KSR1: variants seen among roughly 807,000 people sequenced by gnomAD.
KSR1 encodes the protein kinase suppressor of ras.
Under a neutral mutation model 92.9 loss-of-function variants are expected in KSR1, and 35 were observed. The ratio of observed to expected loss-of-function variants is 0.38; its 90% CI spans 0.29 to 0.50. The LOEUF is 0.50. Ranked by LOEUF, KSR1 falls within the 20% of genes least tolerant of loss-of-function variation. KSR1 has a pLI of 0.94. For missense variants in KSR1, 972 were observed against 1,158.5 expected (o/e 0.84, Z 2.34); for synonymous variants, 467 against 472.6 (o/e 0.99, Z 0.15).
intron 1 of KSR1, chr17:27,526,840 G>A (rs2070323018): frequency 1.6e-5 from 12 of 738,730 alleles, no homozygotes; most frequent in Non-Finnish European, 2.6e-5. Context: ...CCGGGGGGAG[G>A]GGTGGAAGGA....
chr17:27,493,947 G>T (rs1248099066), intron 1 of KSR1, among the ~76,000 whole-genome samples: 1 of 152,112 alleles, frequency 6.6e-6, no homozygotes, highest in Non-Finnish European at 1.5e-5. Context: ...CCATTTTGTG[G>T]TGTGATTGGC....
chr17:27,612,625 C>A (rs770378652), intron 18 of KSR1: 2 of 152,216 alleles, frequency 1.3e-5, no homozygotes, highest in Non-Finnish European at 2.9e-5. Flanking sequence ...TATAAAGAAA[C>A]TCCAGGGCTT....
chr17:27,535,757 A>C (rs1401946865), intron 1 of KSR1, among the ~76,000 whole-genome samples: 1 of 152,336 alleles, frequency 6.6e-6, no homozygotes, highest in South Asian at 2.1e-4. Flanking sequence ...CAGCTGTGTC[A>C]TATTGTTTTG....
chr17:27,617,312 C>T lies in KSR1; in HGVS notation c.2511C>T (p.Cys837=). The stretch of plus-strand genomic sequence containing the variant: ...ATTTGCAGGAGATCCTGTCGGCCTG[C>T]TGGGCTTTCGACCTGCAGGAGAGAC... ...GKEVSEILSA[C]WAFDLQERPS... Residue 837 remains cysteine (C), a synonymous_variant, in exon 19 of 21, where the codon TGC becomes TGT. Transcript: ENST00000644974. 1 of 1,609,544 alleles carries T rather than the reference C, an allele frequency of 6.2e-7. No homozygotes were observed. The highest frequency in any genetic ancestry group is 1.1e-5 in the South Asian group (1 of 90,528).
At chr17:27,547,148 C>A (rs2071210014) in intron 1 of KSR1, among the ~76,000 whole-genome samples, 1 of 152,208 alleles carries the variant, frequency 6.6e-6, no homozygotes. Flanking sequence ...GGGTAAGTAA[C>A]CCCAAGGGGG....
chr17:27,509,680 C>CAAT (rs2069528052), intron 1 of KSR1, among the ~76,000 whole-genome samples: 1 of 149,434 alleles, frequency 6.7e-6, no homozygotes, highest in African/African-American at 2.5e-5. Context: ...CAAACAACAA[C>CAAT]AAAAAACAAA....
rs530886031 is a variant in KSR1 at position 27,574,863 on chromosome 17, A to G, written c.373-2629A>G. Among the ~76,000 whole-genome samples, 7 of 152,332 alleles carry G rather than the reference A, an allele frequency of 4.6e-5. No individual in the cohort carries two copies. In the South Asian group the frequency reaches 8.3e-4, roughly 18 times the overall value. ...TACAGAAAATCTGGAAAATATAGAA[A>G]GGGTTAAAGACAAAAAAAGGTCTGA... is the stretch of plus-strand genomic sequence containing the variant. On this transcript the variant is annotated intron_variant, in intron 2 of 20. Transcript: ENST00000644974.
chr17:27,506,528 T>C (rs1214206062), intron 1 of KSR1, among the ~76,000 whole-genome samples: 2 of 152,216 alleles, frequency 1.3e-5, no homozygotes, highest in East Asian at 3.8e-4. Flanking sequence ...GTTGCACATT[T>C]CGGTGATTTC....
intron 18 of KSR1, among the ~76,000 whole-genome samples, chr17:27,615,891 A>G (rs973935621): frequency 3.9e-5 from 6 of 152,338 alleles, no homozygotes; most frequent in African/African-American, 1.2e-4. Context: ...TTCCAGATTC[A>G]TAATAATTTT....
chr17:27,526,565 C>T (rs533299306), intron 1 of KSR1: 1 of 1,598,680 alleles, frequency 6.3e-7, no homozygotes, highest in Admixed American at 1.7e-5. Flanking sequence ...CAATGCACCT[C>T]ATTCATTTGT....
chr17:27,588,198 C>G, intron 5 of KSR1: 1 of 264,430 alleles, frequency 3.8e-6, no homozygotes. Flanking sequence ...CTCCAGCCTG[C>G]CTTCTTCCTC....
intron 1 of KSR1, among the ~76,000 whole-genome samples, chr17:27,498,903 C>T (rs764780342): frequency 1.1e-4 from 17 of 152,102 alleles, no homozygotes; most frequent in Non-Finnish European, 1.8e-4. Flanking sequence ...AAGCAAAGGG[C>T]GGCATGAGGC....
rs541273860 is a variant in KSR1, at chr17:27,532,052, G to A, written c.232-18516G>A. 2.6e-5 allele frequency among the ~76,000 whole-genome samples: 4 copies of A among 152,300 alleles called. No homozygotes were observed. The East Asian group carries it at 5.8e-4, about 22-fold the overall frequency. On this transcript the variant is annotated intron_variant, in intron 1 of 20. Transcript: ENST00000644974. The stretch of plus-strand genomic sequence containing the variant: ...TACTTTGTGTGAGTTTGACTAAGTC[G>A]TTGTCCCTCTCTGGGCCTCAGTTTC...
At chr17:27,516,419 T>G in intron 1 of KSR1, among the ~76,000 whole-genome samples, 1 of 152,184 alleles carries the variant, frequency 6.6e-6, no homozygotes, top group East Asian at 1.9e-4. Context: ...GAGCCATATT[T>G]ACCTGATGAG....
At chr17:27,486,362 G>A (rs891833397) in intron 1 of KSR1, among the ~76,000 whole-genome samples, 14 of 152,200 alleles carry the variant, frequency 9.2e-5, no homozygotes, top group African/African-American at 3.4e-4. Context: ...TGGCATGAAG[G>A]CATCAGGGTA....
rs971256786 is a variant in KSR1, at chr17:27,459,962, TCA to T, written c.231+3094_231+3095del. 1.3e-5 allele frequency among the ~76,000 whole-genome samples: 2 copies of T among 152,192 alleles called. No homozygotes were observed. Among genetic ancestry groups the T allele is most frequent in the African/African-American group, 4.8e-5 (2 of 41,428 alleles). On this transcript the variant is annotated intron_variant, in intron 1 of 20. Coordinates refer to ENST00000644974, the MANE Select transcript of KSR1 (RefSeq NM_001394583.1). The surrounding 1 kb of genome is among the most constrained non-coding windows in gnomAD (Gnocchi z 4.6). ...GCAGCGTGCCTGACTCTTCTCAAAC[TCA>T]CACACGTTCCTGGAGATCAGCAGTT...
At position 27,487,714 on chromosome 17, in the gene KSR1, G is replaced by A. The variant is rs531505877; in HGVS notation, c.231+30840G>A. 6.2e-4 allele frequency among the ~76,000 whole-genome samples: 95 copies of A among 152,176 alleles called. 1 individual carries two copies. Among genetic ancestry groups the A allele is most frequent in the African/African-American group, 2.3e-3 (94 of 41,472 alleles). ...CACCCTGTCGCCCAGGCTGGAGCAAGTATAGTGGAGCATCTGCTTCACTTC... is the reference window on the plus strand; with the variant it reads ...CACCCTGTCGCCCAGGCTGGAGCAAATATAGTGGAGCATCTGCTTCACTTC... On this transcript the variant is annotated intron_variant, in intron 1 of 20. Transcript: ENST00000644974.
chr17:27,536,470 C>T (rs1426463419), intron 1 of KSR1, among the ~76,000 whole-genome samples: 1 of 152,208 alleles, frequency 6.6e-6, no homozygotes, highest in African/African-American at 2.4e-5. Context: ...AATTGCAGTG[C>T]TTCTTAAATG....
chr17:27,467,139 A>G (rs2019735664), intron 1 of KSR1, among the ~76,000 whole-genome samples: 2 of 152,262 alleles, frequency 1.3e-5, no homozygotes, highest in Non-Finnish European at 2.9e-5. Context: ...TCCCAGAGTC[A>G]CATAGCTAAG....
Sources: gnomAD v4.1 joint callset for allele counts (sites outside exome capture counted in the v4.1 genomes callset) on GRCh38, gnomAD v4.1.1 for gene constraint, Gnocchi (gnomAD v3.1) non-coding constraint, MANE v1.5 for transcripts, NCBI Gene and HGNC (gene_info 2026-07-23, HGNC 2026-07-21) for gene names.